RSBN1L: variants seen among roughly 807,000 people sequenced by gnomAD.
The protein encoded by RSBN1L is lysine-specific demethylase RSBN1L.
RSBN1L carries 30 observed loss-of-function variants against 67.7 expected under a neutral mutation model. That is an observed-to-expected ratio of 0.44 (90% CI 0.33 to 0.60). The LOEUF (loss-of-function observed/expected upper bound fraction) is 0.60, where lower values mean the gene tolerates loss of function less well. Among genes scored for constraint, RSBN1L ranks in the 20% least tolerant of loss-of-function variants. RSBN1L has a pLI of 0.02. For missense variants in RSBN1L, 992 were observed against 1,031.7 expected, an observed-to-expected ratio of 0.96 and a Z score of 0.53; for synonymous variants, 433 against 387.0, an observed-to-expected ratio of 1.12 and a Z score of -1.39.
intron 1 of RSBN1L, among the ~76,000 whole-genome samples, chr7:77,716,519 T>C (rs138166448): frequency 6.6e-6 from 1 of 151,160 alleles, no homozygotes; most frequent in East Asian, 1.9e-4. Flanking sequence ...TTCTACCCAC[T>C]GTCACGCTCT....
rs1790737192 is a variant in RSBN1L at position 77,696,831 on chromosome 7, C to T, written c.362C>T (p.Ser121Phe). The T allele has an allele frequency of 6.2e-7, 1 of 1,613,490 alleles. No homozygotes were observed. The highest frequency in any genetic ancestry group is 8.5e-7 in the Non-Finnish European group (1 of 1,179,972). Reference protein sequence around the residue: ...AVPSSASASLSQPVPRKLLVP... With the variant: ...AVPSSASASLFQPVPRKLLVP... ...CCCTCCTCAGCCTCCGCTTCCTTGT[C>T]TCAGCCGGTGCCGCGCAAACTGCTG... The change falls in exon 1 of 8, where the codon TCT becomes TTT. Residue 121 changes from serine (S) to phenylalanine (F), a missense_variant. Ser to Phe is a radical substitution (Grantham distance 155). Transcript: ENST00000334955.
chr7:77,733,994 G>A (rs932993732), intron 1 of RSBN1L, among the ~76,000 whole-genome samples: 14 of 152,166 alleles, frequency 9.2e-5, no homozygotes, highest in African/African-American at 3.4e-4. Flanking sequence ...GAGTGCGATG[G>A]CGTGTGCCTG....
At chr7:77,773,680 T>G (rs566188221) in intron 6 of RSBN1L, among the ~76,000 whole-genome samples, 2 of 152,268 alleles carry the variant, frequency 1.3e-5, no homozygotes, top group South Asian at 4.1e-4. Context: ...GGAGAATTGC[T>G]TGAACCCGGG....
intron 2 of RSBN1L, among the ~76,000 whole-genome samples, chr7:77,736,809 G>A (rs1281579943): frequency 6.6e-6 from 1 of 152,070 alleles, no homozygotes; most frequent in African/African-American, 2.4e-5. Flanking sequence ...TGCATTACTA[G>A]TCTTACTCAT....
intron 2 of RSBN1L, among the ~76,000 whole-genome samples, chr7:77,749,037 C>T (rs965268750): frequency 4.6e-5 from 7 of 152,058 alleles, no homozygotes; most frequent in Admixed American, 2.6e-4. Flanking sequence ...GGGCAGATCA[C>T]GAGGTCAGGA....
intron 2 of RSBN1L, among the ~76,000 whole-genome samples, chr7:77,740,877 C>CT (rs1421311493): frequency 2.0e-5 from 3 of 151,850 alleles, no homozygotes; most frequent in African/African-American, 4.8e-5. Flanking sequence ...CTCTCTGGCT[C>CT]TGACTCTATA....
intron 3 of RSBN1L, among the ~76,000 whole-genome samples, chr7:77,758,061 G>A (rs1791643854): frequency 6.6e-6 from 1 of 152,146 alleles, no homozygotes; most frequent in African/African-American, 2.4e-5. Flanking sequence ...AGAAATTCAT[G>A]ATAATGCTAT....
At chr7:77,709,447 G>C (rs60061776) in intron 1 of RSBN1L, among the ~76,000 whole-genome samples, 17,596 of 151,746 alleles carry the variant, frequency 0.12, 1,549 homozygotes, top group African/African-American at 0.24. Flanking sequence ...CCACCACTAC[G>C]CCTGGCTAAT....
chr7:77,696,939 C>G lies in RSBN1L; in HGVS notation c.470C>G (p.Ser157Trp). 6.3e-7 allele frequency: 1 copy of G among 1,598,466 alleles called. No homozygotes were observed. The highest frequency in any genetic ancestry group is 8.5e-7 in the Non-Finnish European group (1 of 1,178,228). The change falls in exon 1 of 8, where the codon TCG becomes TGG. Residue 157 changes from serine (S) to tryptophan (W), a missense_variant. Ser to Trp is a radical substitution (Grantham distance 177). This residue lies in a region of RSBN1L where 575 missense variants were observed against 483.2 expected (regional missense o/e 1.19). Transcript: ENST00000334955. ...AAAAASANAK[S>W]RRPKEKREKE... ...GCCGCTGCCTCGGCTAACGCCAAGTCGCGCAGACCTAAGGAGAAGCGGGAG... is the reference window on the plus strand; with the variant it reads ...GCCGCTGCCTCGGCTAACGCCAAGTGGCGCAGACCTAAGGAGAAGCGGGAG...
At chr7:77,727,113 G>T (rs1173614792) in intron 1 of RSBN1L, among the ~76,000 whole-genome samples, 1 of 141,480 alleles carries the variant, frequency 7.1e-6, no homozygotes, top group Non-Finnish European at 1.5e-5. Flanking sequence ...TTGAGATGGA[G>T]TTTCGCTCTT....
intron 2 of RSBN1L, among the ~76,000 whole-genome samples, chr7:77,739,144 G>A (rs1403277584): frequency 1.3e-5 from 2 of 152,178 alleles, no homozygotes; most frequent in Non-Finnish European, 2.9e-5. Context: ...TGAGCCTGTG[G>A]TGGTGGTAGG....
chr7:77,719,501 G>T (rs1791088735), intron 1 of RSBN1L, among the ~76,000 whole-genome samples: 1 of 152,190 alleles, frequency 6.6e-6, no homozygotes, highest in Admixed American at 6.5e-5. Context: ...TTGTATATAT[G>T]TGAAACAATC....
In RSBN1L at chr7:77,782,084, G is replaced by C. The variant is rs534478178; in HGVS notation, c.*2916G>C. On this transcript the variant is annotated 3_prime_UTR_variant, in exon 8 of 8. Transcript: ENST00000334955. ...GCCTTCAATAATGCTTACGTTCCTT[G>C]TCTTATGGGTTATAATTTTCACATC... 5 of 150,860 alleles carry C rather than the reference G, an allele frequency of 3.3e-5. No homozygotes were observed. The South Asian group carries it at 8.4e-4, about 25-fold the overall frequency. 9.3% of individuals were successfully genotyped at this position (150,860 alleles called of 1,614,324 possible).
At chr7:77,748,228 T>G (rs1486234003) in intron 2 of RSBN1L, among the ~76,000 whole-genome samples, 1 of 152,106 alleles carries the variant, frequency 6.6e-6, no homozygotes, top group African/African-American at 2.4e-5. Flanking sequence ...GCATTCAGGA[T>G]GAGAGACAGT....
At chr7:77,754,681 A>G (rs1312066435) in intron 3 of RSBN1L, among the ~76,000 whole-genome samples, 1 of 152,064 alleles carries the variant, frequency 6.6e-6, no homozygotes, top group East Asian at 1.9e-4. Flanking sequence ...TGCATATGCT[A>G]GTTATTTGGA....
chr7:77,725,406 C>T (rs1487802734), intron 1 of RSBN1L, among the ~76,000 whole-genome samples: 1 of 31,666 alleles, frequency 3.2e-5, no homozygotes, highest in Non-Finnish European at 5.6e-5. Context: ...CGCCACCATG[C>T]CCGGCTTATT....
chr7:77,741,852 T>C (rs1488233630), intron 2 of RSBN1L, among the ~76,000 whole-genome samples: 2 of 152,090 alleles, frequency 1.3e-5, no homozygotes, highest in African/African-American at 2.4e-5. Context: ...AGATAGGAAA[T>C]GAGCGAGAGA....
chr7:77,708,718 G>A (rs1268416532), intron 1 of RSBN1L, among the ~76,000 whole-genome samples: 1 of 152,152 alleles, frequency 6.6e-6, no homozygotes, highest in African/African-American at 2.4e-5. Flanking sequence ...GCAAGACATG[G>A]TTTTTTAGGA....
At chr7:77,775,309 T>C (rs903497100) in intron 6 of RSBN1L, among the ~76,000 whole-genome samples, 1 of 151,954 alleles carries the variant, frequency 6.6e-6, no homozygotes, top group African/African-American at 2.4e-5. Flanking sequence ...CCGAGGTGGG[T>C]AGATCACTTG....
Sources: gnomAD v4.1 joint callset for allele counts (sites outside exome capture counted in the v4.1 genomes callset) on GRCh38, gnomAD v4.1.1 for gene constraint, gnomAD v4.1.1 regional missense constraint, MANE v1.5 for transcripts, NCBI Gene and HGNC (gene_info 2026-07-23, HGNC 2026-07-21) for gene names.